The following FNBP4 variants were observed in gnomAD, a reference collection of about 807,000 sequenced individuals.
The protein encoded by FNBP4 is formin binding protein 4, also known as formin-binding protein 4.
In FNBP4, 34 loss-of-function variants were observed where a neutral mutation model predicts 119.3. The observed-to-expected ratio is 0.28, with a 90% CI of 0.22 to 0.38. The LOEUF is 0.38. Ranked by LOEUF, FNBP4 falls within the 10% of genes least tolerant of loss-of-function variation. FNBP4 has a pLI of 1.00. For missense variants in FNBP4, 1,112 were observed against 1,228.9 expected (o/e 0.90, Z 1.42); for synonymous variants, 462 against 430.6 (o/e 1.07, Z -0.90).
rs2097649132 is a variant in FNBP4 at position 47,767,052 on chromosome 11, C to T, written c.220+17G>A. 1 of 1,521,010 alleles carries T rather than the reference C, an allele frequency of 6.6e-7. No homozygotes were observed. The highest frequency in any genetic ancestry group is 8.8e-7 in the Non-Finnish European group (1 of 1,141,062). 94.2% of individuals were successfully genotyped at this position (1,521,010 alleles called of 1,614,324 possible). A position where few individuals can be genotyped will look rare whatever the true frequency, so the allele number is the denominator to read the frequency against. ...CAAGCCCTGAGCTCGAGTTCAGGTC[C>T]CCCCGCGCACCCTTGCCTTCTGAAG... On this transcript the variant is annotated intron_variant, in intron 1 of 16. Transcript: ENST00000263773.
intron 11 of FNBP4, chr11:47,731,973 C>T: frequency 1.0e-6 from 1 of 995,462 alleles, no homozygotes; most frequent in Non-Finnish European, 1.2e-6. Flanking sequence ...GTGGAATTCA[C>T]ATTTCATATT....
At position 47,732,626 on chromosome 11, in the gene FNBP4, G is replaced by A; in HGVS notation, c.1731C>T (p.Tyr577=). 1 of 1,614,122 alleles carries A rather than the reference G, an allele frequency of 6.2e-7. No homozygotes were observed. The highest frequency in any genetic ancestry group is 8.5e-7 in the Non-Finnish European group (1 of 1,180,028). ...CTGCATCCTGAAGTTTTCGTTTAAGGTAGTTTCCATTAAGAGCCCCTTCCC... is the reference window on the plus strand; with the variant it reads ...CTGCATCCTGAAGTTTTCGTTTAAGATAGTTTCCATTAAGAGCCCCTTCCC... ...DWREGALNGN[Y]LKRKLQDAAE... is the part of the protein sequence containing the mutation. Residue 577 remains tyrosine, a synonymous_variant, in exon 11 of 17, where the codon TAC becomes TAT. Transcript: ENST00000263773. This position sits in a 1 kb window ranked among gnomAD's most constrained non-coding sequence, Gnocchi z 4.2.
intron 2 of FNBP4, among the ~76,000 whole-genome samples, chr11:47,757,026 A>T (rs888267424): frequency 6.6e-6 from 1 of 152,178 alleles, no homozygotes; most frequent in African/African-American, 2.4e-5. Context: ...GTGTCTTTAT[A>T]GCAGCATGAT....
chr11:47,720,645 T>C (rs1251719316), intron 15 of FNBP4, among the ~76,000 whole-genome samples: 2 of 151,698 alleles, frequency 1.3e-5, no homozygotes. Flanking sequence ...AATTATGTCA[T>C]ATAAACTTCC....
At chr11:47,730,282 C>T in intron 12 of FNBP4, 1 of 969,432 alleles carries the variant, frequency 1.0e-6, no homozygotes, top group Middle Eastern at 5.3e-4. Context: ...AAAATCTCTT[C>T]ATGTAAAAGG....
intron 5 of FNBP4, 31 bp downstream of exon 5, chr11:47,751,112 T>C (rs1458455643): frequency 6.2e-7 from 1 of 1,613,546 alleles, no homozygotes; most frequent in Non-Finnish European, 8.5e-7. Context: ...AATTTCCTTC[T>C]AGGCAATTTC....
chr11:47,718,511 C>T (rs564144408), intron 16 of FNBP4, among the ~76,000 whole-genome samples: 3 of 152,232 alleles, frequency 2.0e-5, no homozygotes, highest in South Asian at 4.1e-4. Context: ...TGTGCCCGGC[C>T]GGATCTAATG....
At chr11:47,760,848 A>G (rs1230285725) in intron 2 of FNBP4, among the ~76,000 whole-genome samples, 1 of 152,196 alleles carries the variant, frequency 6.6e-6, no homozygotes, top group Non-Finnish European at 1.5e-5. Context: ...CGGCAGCCAC[A>G]GTGACCGCCT....
At position 47,767,070 on chromosome 11, in the gene FNBP4, T is replaced by C; in HGVS notation, c.219A>G (p.Glu73=). 1.3e-6 allele frequency: 2 copies of C among 1,528,926 alleles called. No individual in the cohort carries two copies. Among genetic ancestry groups the C allele is most frequent in the South Asian group, 2.4e-5 (2 of 83,332 alleles). 94.7% of individuals were successfully genotyped at this position (1,528,926 alleles called of 1,614,324 possible). ...AAAASDDSPS[E]DEQEAVQEVP... The stretch of plus-strand genomic sequence containing the variant: ...TCAGGTCCCCCCGCGCACCCTTGCC[T>C]TCTGAAGGCGAGTCGTCCGAGGCCG... Residue 73 remains glutamate, a splice_region_variant and synonymous_variant, in exon 1 of 17, where the codon GAA becomes GAG. Coordinates refer to ENST00000263773, the MANE Select transcript of FNBP4 (RefSeq NM_015308.5).
rs182492392 is a variant in FNBP4, at chr11:47,735,895, C to A, written c.1581+721G>T. On this transcript the variant is annotated intron_variant, in intron 9 of 16. Transcript: ENST00000263773. Reference sequence around the variant, plus strand: ...GAGATCGAGACCATCCTGGTTAACACGGTGAAACCCCATCTCTACTAAAAA... The same window carrying A: ...GAGATCGAGACCATCCTGGTTAACAAGGTGAAACCCCATCTCTACTAAAAA... 9.6e-3 allele frequency among the ~76,000 whole-genome samples: 1,453 copies of A among 151,382 alleles called. 13 individuals are homozygous for A. The highest frequency in any genetic ancestry group is 0.017 in the Non-Finnish European group (1,128 of 67,784).
intron 16 of FNBP4, 141 bp downstream of exon 16, chr11:47,719,788 A>C: frequency 1.1e-6 from 1 of 877,074 alleles, no homozygotes; most frequent in Non-Finnish European, 1.7e-6. Context: ...TAAATTAGAA[A>C]CCTTTAGATA....
intron 3 of FNBP4, 37 bp downstream of exon 3, chr11:47,754,491 T>C (rs1363767331): frequency 1.9e-6 from 3 of 1,604,620 alleles, no homozygotes; most frequent in Admixed American, 1.7e-5. Context: ...CCAAAGTAGC[T>C]TCAGTAACTA....
chr11:47,720,372 T>A (rs865903437), intron 15 of FNBP4, among the ~76,000 whole-genome samples: 1 of 151,914 alleles, frequency 6.6e-6, no homozygotes, highest in African/African-American at 2.4e-5. Flanking sequence ...ATCGAGACCA[T>A]CCTGGCTAAC....
At chr11:47,751,725 G>A (rs2097604564) in intron 4 of FNBP4, among the ~76,000 whole-genome samples, 1 of 152,146 alleles carries the variant, frequency 6.6e-6, no homozygotes, top group East Asian at 1.9e-4. Context: ...GCCAAGGTGG[G>A]CAGATCACCT....
In FNBP4 at chr11:47,760,259, A is replaced by T. The variant is rs867962675; in HGVS notation, c.313+5011T>A. Among the ~76,000 whole-genome samples, 30 of 127,918 alleles carry T rather than the reference A, an allele frequency of 2.3e-4. 1 individual carries two copies. The highest frequency in any genetic ancestry group is 2.4e-4 in the Admixed American group (3 of 12,510). The allele number at this position is 127,918 out of a possible 152,430, so 83.9% of individuals were successfully genotyped here. A position where few individuals can be genotyped will look rare whatever the true frequency, so the allele number is the denominator to read the frequency against. On this transcript the variant is annotated intron_variant, in intron 2 of 16. Transcript: ENST00000263773. Reference sequence around the variant, plus strand: ...GAGAGACATCATAAATTGATCAAACATTTTTTTTTTTTTTTTTTTTGAGAC... The same window carrying T: ...GAGAGACATCATAAATTGATCAAACTTTTTTTTTTTTTTTTTTTTTGAGAC...
chr11:47,738,388 AC>A (rs2097577080), intron 8 of FNBP4, among the ~76,000 whole-genome samples: 1 of 151,700 alleles, frequency 6.6e-6, no homozygotes, highest in South Asian at 2.1e-4. Flanking sequence ...ACACGGTGAA[AC>A]CCTGCCTCTA....
chr11:47,764,182 C>T (rs1187626858), intron 2 of FNBP4, among the ~76,000 whole-genome samples: 2 of 152,150 alleles, frequency 1.3e-5, no homozygotes, highest in African/African-American at 4.8e-5. Flanking sequence ...GGCAAAACCT[C>T]AGTTCACTGC....
At position 47,716,656 on chromosome 11, in the gene FNBP4, A is replaced by T. The variant is rs1203675394; in HGVS notation, c.*766T>A. On this transcript the variant is annotated 3_prime_UTR_variant, in exon 17 of 17. Transcript: ENST00000263773. Reference sequence around the variant, plus strand: ...CTTTTACCTGATTGTGATACAACAGAAAGTACAGAACAGTAAACTGCTTTT... The same window carrying T: ...CTTTTACCTGATTGTGATACAACAGTAAGTACAGAACAGTAAACTGCTTTT... The T allele has an allele frequency of 6.6e-6, 1 of 152,652 alleles. No individual in the cohort carries two copies. The highest frequency in any genetic ancestry group is 1.5e-5 in the Non-Finnish European group (1 of 68,034). 9.5% of individuals were successfully genotyped at this position (152,652 alleles called of 1,614,324 possible). A position where few individuals can be genotyped will look rare whatever the true frequency, so the allele number is the denominator to read the frequency against.
chr11:47,762,906 CAAAAAAAAAA>C (rs56659957), intron 2 of FNBP4, among the ~76,000 whole-genome samples: 65 of 100,632 alleles, frequency 6.5e-4, no homozygotes, highest in Admixed American at 1.1e-3. Context: ...ACTCTGATTC[CAAAAAAAAAA>C]AAAAAAAAAA....
Sources: gnomAD v4.1 joint callset for allele counts (sites outside exome capture counted in the v4.1 genomes callset) on GRCh38, gnomAD v4.1.1 for gene constraint, Gnocchi (gnomAD v3.1) non-coding constraint, MANE v1.5 for transcripts, NCBI Gene and HGNC (gene_info 2026-07-23, HGNC 2026-07-21) for gene names.